CELF2: variants seen among roughly 807,000 people sequenced by gnomAD.
The protein encoded by CELF2 is CUGBP Elav-like family member 2.
In CELF2, 8 loss-of-function variants were observed where a neutral mutation model predicts 62.6. That is an observed-to-expected ratio of 0.13 (90% CI 0.07 to 0.23). CELF2 has a LOEUF of 0.23. Ranked by LOEUF, CELF2 falls within the 10% of genes least tolerant of loss-of-function variation. The pLI is 1.00. For synonymous variants in CELF2, 258 were observed against 250.0 expected, an observed-to-expected ratio of 1.03 and a Z score of -0.30; for missense variants, 333 against 671.0, an observed-to-expected ratio of 0.50 and a Z score of 5.56.
the CELF2 span, among the ~76,000 whole-genome samples, chr10:10,593,823 G>A: frequency 2.0e-5 from 3 of 152,202 alleles, no homozygotes; most frequent in East Asian, 5.8e-4. Flanking sequence ...TTCCACACAT[G>A]AGACTTTGAG....
the CELF2 span, among the ~76,000 whole-genome samples, chr10:10,753,274 A>G: frequency 6.7e-6 from 1 of 148,724 alleles, no homozygotes; most frequent in Non-Finnish European, 1.5e-5. Context: ...TTTTTCTCTA[A>G]AAATGAATTC....
In CELF2 at chr10:11,319,895, G is replaced by A. The variant is rs1565970736; in HGVS notation, c.1097-1294G>A. On this transcript the variant is annotated intron_variant, in intron 10 of 12. Transcript: ENST00000633077. The surrounding 1 kb of genome is among the most constrained non-coding windows in gnomAD (Gnocchi z 4.4). The stretch of plus-strand genomic sequence containing the variant: ...CTCTGTTAGGGCAGTAGCGTTGCTG[G>A]GCGTGTGGAGGTCACTCTGCTGCCG... 2.1e-6 allele frequency: 1 copy of A among 470,732 alleles called. No individual in the cohort carries two copies. The highest frequency in any genetic ancestry group is 6.9e-5 in the East Asian group (1 of 14,392). The allele number at this position is 470,732 out of a possible 1,614,324, so 29.2% of individuals were successfully genotyped here.
At position 11,305,449 on chromosome 10, in the gene CELF2, G is replaced by A. The variant is rs759107298; in HGVS notation, c.977-8690G>A. The stretch of plus-strand genomic sequence containing the variant: ...GCCTCTGCTTCCTCATCTTTCAAGC[G>A]CAGGAAAGACTCCAGTCTAGTTCAC... On this transcript the variant is annotated intron_variant, in intron 9 of 12. Coordinates refer to ENST00000633077, the MANE Select transcript of CELF2 (RefSeq NM_001326342.2). This position sits in a 1 kb window ranked among gnomAD's most constrained non-coding sequence, Gnocchi z 4.8. Among the ~76,000 whole-genome samples, 20 of 152,208 alleles carry A rather than the reference G, an allele frequency of 1.3e-4. No individual in the cohort carries two copies. The highest frequency in any genetic ancestry group is 2.0e-4 in the Admixed American group (3 of 15,288).
At chr10:10,851,212 AAC>A (rs1349801670) in intron 1 of CELF2, among the ~76,000 whole-genome samples, 1 of 152,220 alleles carries the variant, frequency 6.6e-6, no homozygotes, top group Non-Finnish European at 1.5e-5. Flanking sequence ...TCTTTTTCAA[AAC>A]ACATGCTGGA....
At chr10:11,082,288 G>T (rs1030428225) in intron 1 of CELF2, among the ~76,000 whole-genome samples, 4 of 152,206 alleles carry the variant, frequency 2.6e-5, no homozygotes, top group African/African-American at 9.6e-5. Flanking sequence ...AGTCCACTCA[G>T]TTGCAGCCAA....
At chr10:11,082,764 G>T (rs2074361222) in intron 1 of CELF2, among the ~76,000 whole-genome samples, 2 of 152,204 alleles carry the variant, frequency 1.3e-5, no homozygotes, top group South Asian at 4.1e-4. Flanking sequence ...AGTAAGCCAT[G>T]CTTTATGGCC....
chr10:11,206,324 C>T (rs1019587595), intron 2 of CELF2, among the ~76,000 whole-genome samples: 2 of 152,202 alleles, frequency 1.3e-5, no homozygotes, highest in Non-Finnish European at 2.9e-5. Flanking sequence ...GTGATTCTAA[C>T]CTACCTCTCA....
the CELF2 span, among the ~76,000 whole-genome samples, chr10:10,583,812 A>T: frequency 6.6e-6 from 1 of 152,200 alleles, no homozygotes; most frequent in South Asian, 2.1e-4. Flanking sequence ...ATACCAGGAG[A>T]TGTTTCAACC....
At chr10:10,951,805 T>G (rs1197746206) in intron 2 of CELF2, 8 of 152,332 alleles carry the variant, frequency 5.3e-5, no homozygotes, top group Non-Finnish European at 7.3e-5. Flanking sequence ...CCCCCAGCCT[T>G]TCTCCTCCCA....
intron 1 of CELF2, among the ~76,000 whole-genome samples, chr10:10,913,369 G>A (rs1363135369): frequency 3.4e-5 from 4 of 118,314 alleles, no homozygotes; most frequent in Non-Finnish European, 6.8e-5. Flanking sequence ...ATATGCCTTT[G>A]TAATGATGTC....
chr10:10,732,842 A>T, the CELF2 span, among the ~76,000 whole-genome samples: 1 of 152,076 alleles, frequency 6.6e-6, no homozygotes, highest in Non-Finnish European at 1.5e-5. Flanking sequence ...TTTTTTGTGG[A>T]AAAGTCAAGA....
At position 11,243,015 on chromosome 10, in the gene CELF2, C is replaced by T. The variant is rs1031463404; in HGVS notation, c.355-6138C>T. Among the ~76,000 whole-genome samples the T allele has an allele frequency of 2.0e-5, 3 of 152,168 alleles. No homozygotes were observed. The highest frequency in any genetic ancestry group is 4.4e-5 in the Non-Finnish European group (3 of 68,022). ...AAGCTTAGCTTTGGGGTAGAAGGGACAGTGGGCCAGGGGCCTTCCCTCAAG... is the reference window on the plus strand; with the variant it reads ...AAGCTTAGCTTTGGGGTAGAAGGGATAGTGGGCCAGGGGCCTTCCCTCAAG... On this transcript the variant is annotated intron_variant, in intron 3 of 12. Coordinates refer to ENST00000633077, the MANE Select transcript of CELF2 (RefSeq NM_001326342.2). The surrounding 1 kb of genome is among the most constrained non-coding windows in gnomAD (Gnocchi z 4.1).
At chr10:10,873,919 G>A (rs1002781762) in intron 1 of CELF2, among the ~76,000 whole-genome samples, 1 of 152,118 alleles carries the variant, frequency 6.6e-6, no homozygotes, top group African/African-American at 2.4e-5. Context: ...CTTCCTTACA[G>A]CCATTTAAAA....
the CELF2 span, among the ~76,000 whole-genome samples, chr10:10,568,278 T>A: frequency 6.6e-6 from 1 of 151,152 alleles, no homozygotes; most frequent in Non-Finnish European, 1.5e-5. Context: ...ACAAGGCAGA[T>A]GATTAGAGAG....
chr10:11,000,052 T>C (rs1001794448), intron 2 of CELF2, among the ~76,000 whole-genome samples: 1 of 152,230 alleles, frequency 6.6e-6, no homozygotes, highest in Admixed American at 6.5e-5. Flanking sequence ...ATTTCCCACC[T>C]GCCTGAAAGT....
Position 11,156,169 on chromosome 10 carries a change from G to T in CELF2, c.75-9317G>T, listed in dbSNP as rs1218793620. Among the ~76,000 whole-genome samples the T allele has an allele frequency of 6.6e-6, 1 of 152,096 alleles. No homozygotes were observed. The highest frequency in any genetic ancestry group is 1.5e-5 in the Non-Finnish European group (1 of 68,026). On this transcript the variant is annotated intron_variant, in intron 1 of 12. Coordinates refer to ENST00000633077, the MANE Select transcript of CELF2 (RefSeq NM_001326342.2). This position sits in a 1 kb window ranked among gnomAD's most constrained non-coding sequence, Gnocchi z 4.3. ...GACAGTGGCTGTTCAGGGACAAGTGGACCCAGCGGGCATTTGGAGAAAAAT... is the reference window on the plus strand; with the variant it reads ...GACAGTGGCTGTTCAGGGACAAGTGTACCCAGCGGGCATTTGGAGAAAAAT...
rs1227492815 is a variant in CELF2 at position 11,319,056 on chromosome 10, G to A, written c.1097-2133G>A. ...AAGGCCCCACATGGCTCTGCAGGCT[G>A]CGAGGCACACCCAGAACCTCATGCC... On this transcript the variant is annotated intron_variant, in intron 10 of 12. Transcript: ENST00000633077. The surrounding 1 kb of genome is among the most constrained non-coding windows in gnomAD (Gnocchi z 4.4). 2.1e-6 allele frequency: 1 copy of A among 470,612 alleles called. No homozygotes were observed. The highest frequency in any genetic ancestry group is 6.9e-5 in the East Asian group (1 of 14,406). The allele number at this position is 470,612 out of a possible 1,614,324, so 29.2% of individuals were successfully genotyped here.
the CELF2 span, among the ~76,000 whole-genome samples, chr10:10,511,407 C>T: frequency 6.6e-6 from 1 of 151,782 alleles, no homozygotes; most frequent in Non-Finnish European, 1.5e-5. Flanking sequence ...GTTAAGACTC[C>T]ATCTCAAAAC....
chr10:10,805,028 T>G (rs1291410405), intron 1 of CELF2, among the ~76,000 whole-genome samples: 1 of 152,248 alleles, frequency 6.6e-6, no homozygotes, highest in African/African-American at 2.4e-5. Context: ...ATCAGGAATT[T>G]ATATTCTTAG....
Sources: gnomAD v4.1 joint callset for allele counts (sites outside exome capture counted in the v4.1 genomes callset) on GRCh38, gnomAD v4.1.1 for gene constraint, Gnocchi (gnomAD v3.1) non-coding constraint, MANE v1.5 for transcripts, NCBI Gene and HGNC (gene_info 2026-07-23, HGNC 2026-07-21) for gene names.